LZTR1: variants seen among roughly 807,000 people sequenced by gnomAD.
LZTR1 encodes the protein leucine-zipper-like transcriptional regulator 1.
Under a neutral mutation model 105.7 loss-of-function variants are expected in LZTR1, and 260 were observed. The ratio of observed to expected loss-of-function variants is 2.46; its 90% CI spans 2.22 to 2.72. The LOEUF (loss-of-function observed/expected upper bound fraction) is 2.72, where lower values mean the gene tolerates loss of function less well. Ranked by LOEUF, LZTR1 falls within the 30% of genes most tolerant of loss-of-function variation. The pLI, the probability that LZTR1 is intolerant of heterozygous loss-of-function variation, is 0.00. For missense variants in LZTR1, 1,214 were observed against 1,166.9 expected, an observed-to-expected ratio of 1.04 and a Z score of -0.59; for synonymous variants, 490 against 476.4, an observed-to-expected ratio of 1.03 and a Z score of -0.37.
intron 2 of LZTR1, among the ~76,000 whole-genome samples, chr22:20,984,743 C>A (rs1326267173): frequency 6.6e-6 from 1 of 152,046 alleles, no homozygotes; most frequent in East Asian, 1.9e-4. Context: ...AGAGAGCACC[C>A]ACTGGTGCAG....
intron 9 of LZTR1, 118 bp downstream of exon 9, chr22:20,991,947 C>A: frequency 9.9e-7 from 1 of 1,008,108 alleles, no homozygotes; most frequent in Non-Finnish European, 1.4e-6. Context: ...CTACCAGGAG[C>A]AAGGCCAGGA....
In LZTR1 at chr22:20,987,588, G is replaced by C; in HGVS notation, c.400+5G>C. 6.2e-7 allele frequency: 1 copy of C among 1,613,828 alleles called. No homozygotes were observed. Among genetic ancestry groups the C allele is most frequent in the Non-Finnish European group, 8.5e-7 (1 of 1,179,758 alleles). On this transcript the variant is annotated splice_donor_5th_base_variant and intron_variant, in intron 4 of 20. Coordinates refer to ENST00000646124, the MANE Select transcript of LZTR1 (RefSeq NM_006767.4). ...GGAGCAGCATGTTTGTCTTTGGTAA[G>C]CAGCCTCTTGCCTCCCAGGGGCTGT...
rs745873109 is a variant in LZTR1, at chr22:20,988,123, G to T, written c.509+5G>T. On this transcript the variant is annotated splice_donor_5th_base_variant and intron_variant, in intron 5 of 20. Transcript: ENST00000646124. ...GGAGTGGAAAATTGAAGGACGGTGA[G>T]AAACTTTGCAGAAACATTTGGGACA... is the stretch of plus-strand genomic sequence containing the variant. The T allele has an allele frequency of 1.3e-6, 2 of 1,588,420 alleles. No individual in the cohort carries two copies. The highest frequency in any genetic ancestry group is 1.1e-5 in the South Asian group (1 of 90,404).
At position 20,990,449 on chromosome 22, in the gene LZTR1, A is replaced by T; in HGVS notation, c.715A>T (p.Lys239Ter). The T allele has an allele frequency of 1.2e-6, 2 of 1,614,110 alleles. No individual in the cohort carries two copies. The highest frequency in any genetic ancestry group is 1.7e-6 in the Non-Finnish European group (2 of 1,180,012). ...CTTCCCCGTGGCTGTGTGCCGGGAC[A>T]AGATGTTTGTATTCTCTGGGCAAAG... ...CNFPVAVCRD[K>*]MFVFSGQSGA... The change falls in exon 8 of 21, where the codon AAG (lysine) becomes TAG (stop). Residue 239 changes from lysine (K) to a stop codon, truncating the protein, a stop_gained. Transcript: ENST00000646124. LOFTEE classifies it high-confidence loss of function.
intron 2 of LZTR1, among the ~76,000 whole-genome samples, chr22:20,985,423 C>T (rs1333385059): frequency 2.6e-5 from 4 of 151,390 alleles, no homozygotes; most frequent in Admixed American, 6.6e-5. Context: ...AAGGGCCTCT[C>T]CTGAGGCACG....
In LZTR1 at chr22:20,985,832, G is replaced by T. The variant is rs377233316; in HGVS notation, c.264-9G>T. On this transcript the variant is annotated splice_polypyrimidine_tract_variant and intron_variant, in intron 2 of 20. Transcript: ENST00000646124. ...GCTAATGCCACCCTCTCTTCCGGCTGCCTTTCAGGAAGACCATGCTCAATG... is the reference window on the plus strand; with the variant it reads ...GCTAATGCCACCCTCTCTTCCGGCTTCCTTTCAGGAAGACCATGCTCAATG... 2.2e-5 allele frequency: 36 copies of T among 1,613,916 alleles called. No individual in the cohort carries two copies. Among genetic ancestry groups the T allele is most frequent in the Non-Finnish European group, 3.0e-5 (35 of 1,179,958 alleles).
At chr22:20,986,131 C>A in intron 3 of LZTR1, 1 of 556,218 alleles carries the variant, frequency 1.8e-6, no homozygotes, top group Non-Finnish European at 3.2e-6. Context: ...GGGCGGCACC[C>A]TTCTGGGCTG....
At position 20,983,964 on chromosome 22, in the gene LZTR1, T is replaced by C. The variant is rs955444613; in HGVS notation, c.263+875T>C. ...AAAAGCCCAAGTCCTCATGAGAGTC[T>C]GCTGCTCCTCTGCCCTCAGTCCCTC... On this transcript the variant is annotated intron_variant, in intron 2 of 20. Coordinates refer to ENST00000646124, the MANE Select transcript of LZTR1 (RefSeq NM_006767.4). Among the ~76,000 whole-genome samples, 16 of 152,338 alleles carry C rather than the reference T, an allele frequency of 1.1e-4. No homozygotes were observed. The East Asian group carries it at 2.7e-3, about 26-fold the overall frequency.
In LZTR1 at chr22:20,994,591, T is replaced by A; in HGVS notation, c.1649T>A (p.Val550Glu). ...HVEDVLLIMD[V>E]YKLALSFQLC... ...GAGGATGTGCTGCTCATCATGGATG[T>A]GTACAAACTGGCACTGAGCTTCCAG... is the stretch of plus-strand genomic sequence containing the variant. Residue 550 changes from valine (V) to glutamate (E), a missense_variant, in exon 15 of 21, where the codon GTG becomes GAG. Transcript: ENST00000646124. 1 of 1,612,196 alleles carries A rather than the reference T, an allele frequency of 6.2e-7. No individual in the cohort carries two copies. The highest frequency in any genetic ancestry group is 2.2e-5 in the East Asian group (1 of 44,886).
At chr22:20,990,748 G>C (rs895204157) in intron 8 of LZTR1, 5 of 528,146 alleles carry the variant, frequency 9.5e-6, no homozygotes, top group African/African-American at 7.7e-5. Flanking sequence ...GAGGCCCCTG[G>C]CTAGGCCTCC....
At position 20,997,352 on chromosome 22, in the gene LZTR1, C is replaced by T. The variant is rs760418069; in HGVS notation, c.*4C>T. ...AGAGCTGGGCGCCGACATCTGAGGC[C>T]CTGTGGCGCCTGCCCATTGTGAAGA... On this transcript the variant is annotated 3_prime_UTR_variant, in exon 21 of 21. Transcript: ENST00000646124. 2 of 1,595,942 alleles carry T rather than the reference C, an allele frequency of 1.3e-6. No individual in the cohort carries two copies. The highest frequency in any genetic ancestry group is 1.3e-5 in the African/African-American group (1 of 74,696).
chr22:20,993,981 C>T lies in LZTR1; in HGVS notation c.1411C>T (p.Arg471Cys), dbSNP rs1366650212. Residue 471 changes from arginine to cysteine, a missense_variant, in exon 13 of 21, where the codon CGC (arginine) becomes TGC (cysteine). Transcript: ENST00000646124. ...TGTCACAGCGCGGAGCCGCTGGCTT[C>T]GCAGGAAGATCACGCAGGCGCGGGA... Reference protein sequence around the residue: ...AIVTARSRWLRRKITQARERL... With the variant: ...AIVTARSRWLCRKITQARERL... 1.3e-5 allele frequency: 21 copies of T among 1,612,192 alleles called. No homozygotes were observed. The Admixed American group carries it at 1.8e-4, about 14-fold the overall frequency.
chr22:20,991,645 C>G lies in LZTR1; in HGVS notation c.809C>G (p.Thr270Ser). Residue 270 changes from threonine to serine, a missense_variant, in exon 9 of 21, where the codon ACT becomes AGT. Transcript: ENST00000646124. ...ACCCCCAGGTGGACACGCATCCCAA[C>G]TGAACACCTGCTCCGGGGCTCCCCA... ...FKDKTWTRIP[T>S]EHLLRGSPPP... 1 of 1,598,654 alleles carries G rather than the reference C, an allele frequency of 6.3e-7. No individual in the cohort carries two copies. The highest frequency in any genetic ancestry group is 8.5e-7 in the Non-Finnish European group (1 of 1,177,098).
chr22:20,994,435 TC>T, intron 14 of LZTR1, 122 bp from the exon 15 acceptor site: 1 of 1,266,058 alleles, frequency 7.9e-7, no homozygotes, highest in Non-Finnish European at 1.1e-6. Flanking sequence ...GCCATCTGAG[TC>T]CCCCGAGGCC....
chr22:20,994,529 C>T (rs774923302), intron 14 of LZTR1, 29 bp from the exon 15 acceptor site: 2 of 1,601,132 alleles, frequency 1.2e-6, no homozygotes, highest in Non-Finnish European at 1.7e-6. Context: ...CTCTCCGGCT[C>T]CCTGAGATTC....
chr22:20,991,904 C>A, intron 9 of LZTR1, 75 bp downstream of exon 9: 2 of 1,405,618 alleles, frequency 1.4e-6, no homozygotes, highest in Non-Finnish European at 1.9e-6. Flanking sequence ...CCCAGCTCCT[C>A]ACAGCTTTGG....
rs375845428 is a variant in LZTR1, at chr22:20,996,883, C to A, written c.2326-3C>A. The stretch of plus-strand genomic sequence containing the variant: ...CAGCGCCTCAAGGTCCCTGCCATTG[C>A]AGATCCTGGAGGCAGCTGACAAAAC... On this transcript the variant is annotated splice_region_variant and splice_polypyrimidine_tract_variant and intron_variant, in intron 19 of 20. Transcript: ENST00000646124. 5.6e-6 allele frequency: 9 copies of A among 1,611,974 alleles called. No homozygotes were observed. Among genetic ancestry groups the A allele is most frequent in the Admixed American group, 1.7e-5 (1 of 59,966 alleles).
chr22:20,990,047 G>GCTCCCTGGAGCTCCCC, intron 7 of LZTR1, among the ~76,000 whole-genome samples: 1 of 152,246 alleles, frequency 6.6e-6, no homozygotes, highest in Non-Finnish European at 1.5e-5. Flanking sequence ...CCAGTGTCCT[G>GCTCCCTGGAGCTCCCC]CTCCCTGGAG....
Position 20,988,661 on chromosome 22 carries a change from G to A in LZTR1, c.510-128G>A, listed in dbSNP as rs1447350305. The A allele has an allele frequency of 1.7e-5, 12 of 690,978 alleles. No individual in the cohort carries two copies. The African/African-American group carries it at 1.9e-4, about 11-fold the overall frequency. The allele number at this position is 690,978 out of a possible 1,614,324, so 42.8% of individuals were successfully genotyped here. On this transcript the variant is annotated intron_variant, in intron 5 of 20. Coordinates refer to ENST00000646124, the MANE Select transcript of LZTR1 (RefSeq NM_006767.4). ...ATTCCTAGTGCCTTGTGGAGGTCCTGAAGCCCCAGTGTCGGGTGGATGTAG... is the reference window on the plus strand; with the variant it reads ...ATTCCTAGTGCCTTGTGGAGGTCCTAAAGCCCCAGTGTCGGGTGGATGTAG...
Sources: gnomAD v4.1 joint callset for allele counts (sites outside exome capture counted in the v4.1 genomes callset) on GRCh38, gnomAD v4.1.1 for gene constraint, MANE v1.5 for transcripts, NCBI Gene and HGNC (gene_info 2026-07-23, HGNC 2026-07-21) for gene names.